SLC41A3: variants seen among roughly 807,000 people sequenced by gnomAD.
SLC41A3 encodes SLC41A1-like 2.
In SLC41A3, 44 loss-of-function variants were observed where a neutral mutation model predicts 45.4. That is an observed-to-expected ratio of 0.97 (90% confidence interval 0.76 to 1.25). The LOEUF (loss-of-function observed/expected upper bound fraction) is 1.25. SLC41A3 is among the 50% of genes most tolerant of loss of function. SLC41A3 has a pLI of 0.00. For synonymous variants in SLC41A3, 256 were observed against 252.4 expected (o/e 1.01, Z -0.13); for missense variants, 550 against 600.6 (o/e 0.92, Z 0.88).
intron 1 of SLC41A3, among the ~76,000 whole-genome samples, chr3:126,078,094 G>T (rs1944966369): frequency 6.6e-6 from 1 of 152,082 alleles, no homozygotes; most frequent in East Asian, 1.9e-4. Flanking sequence ...GGCAGAAAAT[G>T]CCTCCCTCTC....
chr3:126,006,674 C>A lies in SLC41A3; in HGVS notation c.*342G>T. The A allele has an allele frequency of 6.8e-7, 1 of 1,479,968 alleles. No homozygotes were observed. Among genetic ancestry groups the A allele is most frequent in the Non-Finnish European group, 8.9e-7 (1 of 1,118,418 alleles). The allele number at this position is 1,479,968 out of a possible 1,614,324, so 91.7% of individuals were successfully genotyped here. ...TGGGTTGCATGGGCATGGAAAAGAG[C>A]AAACACACCCTGCAAAGCATACTGG... On this transcript the variant is annotated 3_prime_UTR_variant, in exon 11 of 11. Coordinates refer to ENST00000360370, the MANE Select transcript of SLC41A3 (RefSeq NM_017836.4).
chr3:126,062,625 G>A (rs1347840895), intron 2 of SLC41A3, among the ~76,000 whole-genome samples: 1 of 152,232 alleles, frequency 6.6e-6, no homozygotes, highest in African/African-American at 2.4e-5. Context: ...GCGAGGCCTG[G>A]CACCTTGGTT....
At position 126,006,996 on chromosome 3, in the gene SLC41A3, A is replaced by C; in HGVS notation, c.*20T>G. ...TGTGAGAGGAAATTCTAATGAGCAAATGGGACCAGCGGGGCCCAGTTAGGG... is the reference window on the plus strand; with the variant it reads ...TGTGAGAGGAAATTCTAATGAGCAACTGGGACCAGCGGGGCCCAGTTAGGG... On this transcript the variant is annotated 3_prime_UTR_variant, in exon 11 of 11. Coordinates refer to ENST00000360370, the MANE Select transcript of SLC41A3 (RefSeq NM_017836.4). The C allele has an allele frequency of 6.2e-7, 1 of 1,614,046 alleles. No homozygotes were observed. The highest frequency in any genetic ancestry group is 8.5e-7 in the Non-Finnish European group (1 of 1,179,916).
At chr3:126,049,130 A>G (rs1464499696) in intron 3 of SLC41A3, among the ~76,000 whole-genome samples, 1 of 151,768 alleles carries the variant, frequency 6.6e-6, no homozygotes, top group Non-Finnish European at 1.5e-5. Context: ...TCTTCCTCTC[A>G]TGTTTTACAT....
At chr3:126,038,667 C>T (rs1233140131) in intron 3 of SLC41A3, among the ~76,000 whole-genome samples, 9 of 152,068 alleles carry the variant, frequency 5.9e-5, no homozygotes, top group African/African-American at 1.4e-4. Flanking sequence ...AATGTGCACT[C>T]GGTTTCAGAT....
intron 7 of SLC41A3, among the ~76,000 whole-genome samples, chr3:126,016,348 A>G (rs764236507): frequency 1.3e-5 from 2 of 152,236 alleles, no homozygotes; most frequent in Non-Finnish European, 2.9e-5. Context: ...TGTGGCCTTG[A>G]GGCCAAGGTG....
intron 1 of SLC41A3, among the ~76,000 whole-genome samples, chr3:126,071,224 T>C (rs768696408): frequency 3.3e-5 from 5 of 152,032 alleles, no homozygotes; most frequent in Admixed American, 6.6e-5. Flanking sequence ...ATGCAAACAA[T>C]AACCAAAAGA....
upstream of SLC41A3, among the ~76,000 whole-genome samples, chr3:126,088,108 A>T (rs1244089192): frequency 6.6e-6 from 1 of 152,102 alleles, no homozygotes; most frequent in Non-Finnish European, 1.5e-5. Flanking sequence ...TAATAGTTAT[A>T]GGATAATTAA....
At chr3:126,028,764 C>T (rs1191457425) in intron 4 of SLC41A3, among the ~76,000 whole-genome samples, 2 of 152,246 alleles carry the variant, frequency 1.3e-5, no homozygotes, top group African/African-American at 2.4e-5. Context: ...AGGGCGGAAC[C>T]CTGCAAAGCC....
chr3:126,032,755 CG>C (rs973205975), intron 4 of SLC41A3, among the ~76,000 whole-genome samples: 2 of 152,056 alleles, frequency 1.3e-5, no homozygotes, highest in Admixed American at 1.3e-4. Context: ...AACCCAGGTG[CG>C]GGATAAAGTA....
intron 1 of SLC41A3, among the ~76,000 whole-genome samples, chr3:126,077,381 A>AAAAT (rs1285577050): frequency 1.2e-4 from 18 of 152,142 alleles, no homozygotes; most frequent in African/African-American, 3.1e-4. Context: ...CTCTGTCTCA[A>AAAAT]AAATAAATAA....
At chr3:126,059,294 GA>G (rs771011353) in intron 2 of SLC41A3, among the ~76,000 whole-genome samples, 6 of 129,956 alleles carry the variant, frequency 4.6e-5, no homozygotes, top group East Asian at 4.3e-4. Flanking sequence ...AAGAAAGAAA[GA>G]AAGAAAGAAA....
intron 3 of SLC41A3, among the ~76,000 whole-genome samples, chr3:126,045,938 C>G (rs1315481199): frequency 6.6e-6 from 1 of 151,672 alleles, no homozygotes; most frequent in Non-Finnish European, 1.5e-5. Context: ...TCCTGGAATA[C>G]AAGATAGCTC....
intron 2 of SLC41A3, among the ~76,000 whole-genome samples, chr3:126,066,626 G>A (rs1944359866): frequency 6.6e-6 from 1 of 152,192 alleles, no homozygotes; most frequent in Non-Finnish European, 1.5e-5. Flanking sequence ...CCACTATGCG[G>A]GAGTTCAGTC....
At chr3:126,078,328 C>T (rs1000850721) in intron 1 of SLC41A3, among the ~76,000 whole-genome samples, 13 of 152,202 alleles carry the variant, frequency 8.5e-5, no homozygotes, top group African/African-American at 2.4e-4. Flanking sequence ...GCTGGTAAAA[C>T]TGAGCCAGGC....
At chr3:126,062,015 G>C (rs1944097100) in intron 2 of SLC41A3, among the ~76,000 whole-genome samples, 1 of 152,160 alleles carries the variant, frequency 6.6e-6, no homozygotes. Context: ...AGACTCCACA[G>C]ACCCTCCCCT....
Position 126,006,612 on chromosome 3 carries a change from G to A in SLC41A3, c.*404C>T. The A allele has an allele frequency of 6.4e-7, 1 of 1,564,286 alleles. No homozygotes were observed. Among genetic ancestry groups the A allele is most frequent in the Non-Finnish European group, 8.6e-7 (1 of 1,162,486 alleles). On this transcript the variant is annotated 3_prime_UTR_variant, in exon 11 of 11. Coordinates refer to ENST00000360370, the MANE Select transcript of SLC41A3 (RefSeq NM_017836.4). ...CACAGCTCAAGAGTTCTGAGGCTTGGGAACAGAAAAGAGCTCCTTCCTGCT... is the reference window on the plus strand; with the variant it reads ...CACAGCTCAAGAGTTCTGAGGCTTGAGAACAGAAAAGAGCTCCTTCCTGCT...
At chr3:126,069,705 G>A (rs756073647) in intron 1 of SLC41A3, among the ~76,000 whole-genome samples, 26 of 152,014 alleles carry the variant, frequency 1.7e-4, no homozygotes, top group African/African-American at 4.1e-4. Context: ...TTAAGAAACC[G>A]TACCGGAAGA....
At chr3:126,051,843 C>A (rs899805212) in intron 2 of SLC41A3, among the ~76,000 whole-genome samples, 23 of 152,104 alleles carry the variant, frequency 1.5e-4, no homozygotes, top group Admixed American at 8.5e-4. Context: ...GACCTGGAAA[C>A]AAATCCCTGC....
Sources: gnomAD v4.1 joint callset for allele counts (sites outside exome capture counted in the v4.1 genomes callset) on GRCh38, gnomAD v4.1.1 for gene constraint, MANE v1.5 for transcripts, NCBI Gene and HGNC (gene_info 2026-07-23, HGNC 2026-07-21) for gene names.